The following NRXN3 variants were observed in gnomAD, a reference collection of about 807,000 sequenced individuals.
The protein encoded by NRXN3 is neurexin 3.
Under a neutral mutation model 137.6 loss-of-function variants are expected in NRXN3, and 32 were observed. The observed-to-expected ratio is 0.23, with a 90% CI of 0.18 to 0.31. The LOEUF (loss-of-function observed/expected upper bound fraction) is 0.31, where lower values mean the gene tolerates loss of function less well. Ranked by LOEUF, NRXN3 falls within the 10% of genes least tolerant of loss-of-function variation. The pLI is 1.00. For synonymous variants in NRXN3, 798 were observed against 784.5 expected, an observed-to-expected ratio of 1.02 and a Z score of -0.29; for missense variants, 1,574 against 2,062.5, an observed-to-expected ratio of 0.76 and a Z score of 4.59.
chr14:79,477,019 C>G (rs566726451), intron 16 of NRXN3, among the ~76,000 whole-genome samples: 1 of 151,718 alleles, frequency 6.6e-6, no homozygotes. Context: ...AATATCTAGC[C>G]GGGGGGTAGA....
chr14:79,479,726 A>G (rs1052713340), intron 16 of NRXN3, among the ~76,000 whole-genome samples: 6 of 151,982 alleles, frequency 3.9e-5, no homozygotes, highest in Admixed American at 2.0e-4. Context: ...TTTGCTTCCC[A>G]GTATTTGTTT....
chr14:78,250,749 C>T (rs1455903829), intron 2 of NRXN3, among the ~76,000 whole-genome samples: 1 of 152,220 alleles, frequency 6.6e-6, no homozygotes, highest in Non-Finnish European at 1.5e-5. Flanking sequence ...GCAGCCATCT[C>T]TAGGACCTGA....
In NRXN3 at chr14:79,636,590, A is replaced by T. The variant is rs115589577; in HGVS notation, c.3445-27188A>T. ...CAGAGACCTAAATGCCTTCTCTCAG[A>T]TTATTTTTTTATTATATTTCCAGTG... On this transcript the variant is annotated intron_variant, in intron 16 of 20. Transcript: ENST00000335750. Among the ~76,000 whole-genome samples, 767 of 152,256 alleles carry T rather than the reference A, an allele frequency of 5.0e-3. 5 individuals are homozygous for T. Among genetic ancestry groups the T allele is most frequent in the African/African-American group, 0.018 (738 of 41,538 alleles).
intron 17 of NRXN3, among the ~76,000 whole-genome samples, chr14:79,678,667 A>G (rs1008671460): frequency 1.3e-5 from 2 of 152,190 alleles, no homozygotes; most frequent in African/African-American, 4.8e-5. Flanking sequence ...AACCAAGAAG[A>G]CTGCAGGCTT....
At position 78,483,981 on chromosome 14, in the gene NRXN3, TACACACACACACACAC is replaced by T. The variant is rs71979335; in HGVS notation, c.758-161107_758-161092del. Among the ~76,000 whole-genome samples, 1,094 of 123,510 alleles carry T rather than the reference TACACACACACACACAC, an allele frequency of 8.9e-3. 12 individuals carry two copies. Among genetic ancestry groups the T allele is most frequent in the East Asian group, 0.029 (112 of 3,806 alleles). 81.0% of individuals were successfully genotyped at this position (123,510 alleles called of 152,430 possible). On this transcript the variant is annotated intron_variant, in intron 4 of 20. Transcript: ENST00000335750. ...TTCAGCATAAACCAAGGGATGCTCT[TACACACACACACACAC>T]ACACACACACACACACACACACACA...
intron 3 of NRXN3, among the ~76,000 whole-genome samples, chr14:78,286,581 G>T (rs536098083): frequency 6.6e-6 from 1 of 152,292 alleles, no homozygotes; most frequent in South Asian, 2.1e-4. Context: ...GTCCAGGGCA[G>T]TGGGTCCCTT....
chr14:79,845,859 G>GGAGAGAGAGAGATGGA (rs2099367464), intron 20 of NRXN3, among the ~76,000 whole-genome samples: 5 of 28,900 alleles, frequency 1.7e-4, no homozygotes, highest in Admixed American at 3.9e-4. Context: ...AGGGAGACGG[G>GGAGAGAGAGAGATGGA]GAGAGAGAGA....
chr14:78,976,209 ACT>A (rs1278641167), intron 14 of NRXN3, among the ~76,000 whole-genome samples: 1 of 151,646 alleles, frequency 6.6e-6, no homozygotes, highest in Non-Finnish European at 1.5e-5. Flanking sequence ...TAAAAGAATA[ACT>A]CTTTTTTGTA....
At chr14:79,046,404 G>A (rs747704152) in intron 15 of NRXN3, among the ~76,000 whole-genome samples, 11 of 152,214 alleles carry the variant, frequency 7.2e-5, no homozygotes, top group Non-Finnish European at 1.5e-4. Flanking sequence ...CAAGGAGTAA[G>A]TATGCTTGTG....
rs542983436 is a variant in NRXN3 at position 79,405,238 on chromosome 14, T to C, written c.3263-61983T>C. On this transcript the variant is annotated intron_variant, in intron 15 of 20. Transcript: ENST00000335750. ...AACATATAAACTCCCAAATCCGTCT[T>C]CCTAATTAAAACAGCATGCTCGGAG... Among the ~76,000 whole-genome samples the C allele has an allele frequency of 3.3e-5, 5 of 152,212 alleles. No homozygotes were observed. The South Asian group carries it at 1.0e-3, about 32-fold the overall frequency.
chr14:78,550,723 G>A (rs892423340), intron 4 of NRXN3, among the ~76,000 whole-genome samples: 4 of 152,064 alleles, frequency 2.6e-5, no homozygotes, highest in Non-Finnish European at 4.4e-5. Flanking sequence ...CAGGACTTCC[G>A]GGTTTGGAGA....
At chr14:78,749,205 C>T (rs565613628) in intron 8 of NRXN3, among the ~76,000 whole-genome samples, 5 of 152,266 alleles carry the variant, frequency 3.3e-5, no homozygotes, top group South Asian at 4.1e-4. Flanking sequence ...GATGGATGGA[C>T]ATGGGCCCTG....
chr14:79,544,305 A>G (rs1393496243), intron 16 of NRXN3, among the ~76,000 whole-genome samples: 3 of 152,206 alleles, frequency 2.0e-5, no homozygotes, highest in Non-Finnish European at 2.9e-5. Flanking sequence ...TGAAAAGTTT[A>G]TAAGTTCATT....
chr14:79,719,885 T>G (rs187957607), intron 19 of NRXN3, among the ~76,000 whole-genome samples: 2 of 152,160 alleles, frequency 1.3e-5, no homozygotes, highest in African/African-American at 4.8e-5. Context: ...AAAAATAAAT[T>G]TATGTATTTC....
At chr14:78,793,725 G>A (rs555507809) in intron 8 of NRXN3, among the ~76,000 whole-genome samples, 3 of 152,212 alleles carry the variant, frequency 2.0e-5, no homozygotes, top group Non-Finnish European at 2.9e-5. Flanking sequence ...CTTAGTTACC[G>A]AGGCTCCAGA....
intron 10 of NRXN3, among the ~76,000 whole-genome samples, chr14:78,848,833 C>T (rs2152475917): frequency 6.6e-6 from 1 of 152,092 alleles, no homozygotes; most frequent in South Asian, 2.1e-4. Context: ...AATTGAGTAG[C>T]TGGGAGGAGT....
intron 15 of NRXN3, among the ~76,000 whole-genome samples, chr14:79,026,948 TTTTATATATATATA>T (rs2099599050): frequency 3.4e-5 from 3 of 87,796 alleles, no homozygotes; most frequent in African/African-American, 1.2e-4. Context: ...ACTATTATAA[TTTTATATATATATA>T]TATATATATA....
At chr14:78,922,988 G>A (rs918088579) in intron 10 of NRXN3, among the ~76,000 whole-genome samples, 6 of 152,198 alleles carry the variant, frequency 3.9e-5, no homozygotes, top group Admixed American at 1.3e-4. Flanking sequence ...TTGGGGGAAA[G>A]GTGTCTCAGT....
intron 16 of NRXN3, among the ~76,000 whole-genome samples, chr14:79,480,742 G>A (rs939910075): frequency 2.0e-5 from 3 of 152,162 alleles, no homozygotes; most frequent in South Asian, 2.1e-4. Flanking sequence ...GTTTAGCACC[G>A]TCCCCCTAGT....
Sources: gnomAD v4.1 joint callset for allele counts (sites outside exome capture counted in the v4.1 genomes callset) on GRCh38, gnomAD v4.1.1 for gene constraint, MANE v1.5 for transcripts, NCBI Gene and HGNC (gene_info 2026-07-23, HGNC 2026-07-21) for gene names.